The following MTNAP1 variants were observed in gnomAD, a reference collection of about 807,000 sequenced individuals.
MTNAP1 encodes the protein mitochondrial nucleoid associated protein 1.
chr17:73,247,122 T>A, the MTNAP1 span: 1 of 837,208 alleles, frequency 1.2e-6, no homozygotes, highest in Non-Finnish European at 1.9e-6. Context: ...AAACAAGCCC[T>A]GCTCATTTGG....
At chr17:73,248,256 A>G in the MTNAP1 span, 1 of 505,722 alleles carries the variant, frequency 2.0e-6, no homozygotes, top group East Asian at 3.3e-5. Flanking sequence ...CTCAGAACGA[A>G]TAGTAGACAA....
the MTNAP1 span, chr17:73,242,483 T>C: frequency 3.4e-6 from 2 of 590,816 alleles, no homozygotes; most frequent in Non-Finnish European, 5.8e-6. Context: ...TTCCTAGTTT[T>C]CCATTTGTCT....
chr17:73,243,220 T>A, the MTNAP1 span: 1 of 544,040 alleles, frequency 1.8e-6, no homozygotes, highest in Non-Finnish European at 3.4e-6. Context: ...AATGGCACGA[T>A]CTCAGCTCAC....
the MTNAP1 span, among the ~76,000 whole-genome samples, chr17:73,246,494 C>T: frequency 6.6e-6 from 1 of 152,184 alleles, no homozygotes; most frequent in Admixed American, 6.5e-5. Flanking sequence ...TGAGATTGTG[C>T]CATTGCATTC....
At chr17:73,239,418 C>T in the MTNAP1 span, among the ~76,000 whole-genome samples, 3 of 152,214 alleles carry the variant, frequency 2.0e-5, no homozygotes, top group Admixed American at 2.0e-4. Context: ...CTATGACTAT[C>T]GTTATGCTAG....
the MTNAP1 span, among the ~76,000 whole-genome samples, chr17:73,235,039 C>T: frequency 5.9e-5 from 9 of 151,840 alleles, no homozygotes; most frequent in African/African-American, 1.4e-4. Flanking sequence ...AACACGGACA[C>T]GGTGAAACCC....
chr17:73,247,253 G>A, the MTNAP1 span: 54 of 1,614,096 alleles, frequency 3.3e-5, no homozygotes, highest in Non-Finnish European at 3.9e-5. Flanking sequence ...AAATTGTGCC[G>A]ACCCCTGCCC....
the MTNAP1 span, among the ~76,000 whole-genome samples, chr17:73,239,212 A>C: frequency 1.3e-5 from 2 of 152,136 alleles, no homozygotes; most frequent in Admixed American, 1.3e-4. Context: ...CTGGGATTAC[A>C]GGTGTGAACC....
the MTNAP1 span, among the ~76,000 whole-genome samples, chr17:73,235,202 A>G: frequency 6.6e-6 from 1 of 152,164 alleles, no homozygotes; most frequent in Non-Finnish European, 1.5e-5. Flanking sequence ...CCTGGGTGAC[A>G]GAGTGAGACT....
At chr17:73,244,053 T>A in the MTNAP1 span, among the ~76,000 whole-genome samples, 1 of 152,210 alleles carries the variant, frequency 6.6e-6, no homozygotes, top group African/African-American at 2.4e-5. Flanking sequence ...TTTGAACACT[T>A]AAAAAACAAA....
the MTNAP1 span, chr17:73,243,078 T>TTTTTTTTTTTTC: frequency 4.3e-6 from 1 of 234,908 alleles, no homozygotes; most frequent in Admixed American, 1.1e-4. Context: ...ATTCTCTGAA[T>TTTTTTTTTTTTC]TTTTTTTTTT....
At chr17:73,247,255 C>T in the MTNAP1 span, 8 of 1,614,040 alleles carry the variant, frequency 5.0e-6, no homozygotes, top group African/African-American at 8.0e-5. Flanking sequence ...ATTGTGCCGA[C>T]CCCTGCCCTG....
At chr17:73,240,959 T>C in the MTNAP1 span, among the ~76,000 whole-genome samples, 25 of 152,346 alleles carry the variant, frequency 1.6e-4, no homozygotes, top group African/African-American at 6.0e-4. Context: ...ATTCTTTTCA[T>C]TGTTCTTTAA....
the MTNAP1 span, chr17:73,243,095 T>TTTTTGTTTTTTTTTTG: frequency 8.3e-5 from 78 of 937,018 alleles, no homozygotes; most frequent in African/African-American, 1.2e-3. Context: ...TTTTTTTTTT[T>TTTTTGTTTTTTTTTTG]TTTTTTACAG....
chr17:73,243,093 T>TTC, the MTNAP1 span: 2 of 991,218 alleles, frequency 2.0e-6, no homozygotes, highest in African/African-American at 3.4e-5. Flanking sequence ...TTTTTTTTTT[T>TTC]TTTTTTTTAC....
At chr17:73,232,798 C>T in the MTNAP1 span, 74,894 of 153,304 alleles carry the variant, frequency 0.49, 18,571 homozygotes, top group East Asian at 0.61. Flanking sequence ...GGGAGACTCT[C>T]CTGAGCGGAG....
chr17:73,236,065 AATG>A, the MTNAP1 span: 4 of 1,614,142 alleles, frequency 2.5e-6, no homozygotes, highest in South Asian at 1.1e-5. Context: ...AACTCTACCT[AATG>A]ATGTACAAAC....
chr17:73,236,096 A>G, the MTNAP1 span: 82 of 1,614,088 alleles, frequency 5.1e-5, no homozygotes, highest in East Asian at 1.1e-4. Flanking sequence ...GGTGATCTCA[A>G]ATTGGACAAA....
the MTNAP1 span, among the ~76,000 whole-genome samples, chr17:73,234,366 C>T: frequency 1.1e-4 from 17 of 150,852 alleles, no homozygotes; most frequent in African/African-American, 3.9e-4. Flanking sequence ...ACAAAGATGT[C>T]AAACTAATTT....
Sources: allele counts gnomAD v4.1 joint callset (sites outside exome capture counted in the v4.1 genomes callset), GRCh38; gene constraint gnomAD v4.1.1; transcripts MANE v1.5; gene names NCBI Gene and HGNC (gene_info 2026-07-23, HGNC 2026-07-21).